GNA12: variants seen among roughly 807,000 people sequenced by gnomAD.
GNA12 encodes guanine nucleotide-binding protein subunit alpha-12.
In GNA12, 9 loss-of-function variants were observed where a neutral mutation model predicts 26.0. The ratio of observed to expected loss-of-function variants is 0.35; its 90% CI spans 0.21 to 0.60. The LOEUF (loss-of-function observed/expected upper bound fraction) is 0.60, where lower values mean the gene tolerates loss of function less well. Among genes scored for constraint, GNA12 ranks in the 20% least tolerant of loss-of-function variants. The pLI, the probability that GNA12 is intolerant of heterozygous loss-of-function variation, is 0.78. For synonymous variants in GNA12, 264 were observed against 219.6 expected (o/e 1.20, Z -1.79); for missense variants, 405 against 525.8 (o/e 0.77, Z 2.25).
At chr7:2,767,501 T>G (rs961172440) in intron 2 of GNA12, among the ~76,000 whole-genome samples, 1 of 152,220 alleles carries the variant, frequency 6.6e-6, no homozygotes, top group Non-Finnish European at 1.5e-5. Context: ...ACCCTTTCGA[T>G]AGCCACCTGG....
intron 1 of GNA12, chr7:2,814,199 A>G (rs547343989): frequency 5.9e-6 from 4 of 672,462 alleles, no homozygotes; most frequent in Admixed American, 2.5e-5. Flanking sequence ...GAAATTCTCC[A>G]TCATAAATCT....
chr7:2,841,058 G>C (rs1175332792), intron 1 of GNA12, among the ~76,000 whole-genome samples: 4 of 152,240 alleles, frequency 2.6e-5, no homozygotes, highest in Non-Finnish European at 5.9e-5. Flanking sequence ...CTGGAAAGAA[G>C]AACTAGGATA....
intron 1 of GNA12, chr7:2,814,441 G>A: frequency 9.5e-7 from 1 of 1,049,914 alleles, no homozygotes. Flanking sequence ...GACAATTAGA[G>A]ACATCAGAAT....
chr7:2,750,363 T>C (rs1250342346), intron 2 of GNA12, among the ~76,000 whole-genome samples: 5 of 152,212 alleles, frequency 3.3e-5, no homozygotes, highest in Admixed American at 6.5e-5. Context: ...CTGCAACTGA[T>C]AGGTTATGCC....
chr7:2,752,296 T>C (rs567166206), intron 2 of GNA12, among the ~76,000 whole-genome samples: 53 of 152,284 alleles, frequency 3.5e-4, no homozygotes, highest in Admixed American at 1.1e-3. Context: ...TTCCTCAGTT[T>C]GATAAAGGGC....
At chr7:2,819,646 G>A (rs975502086) in intron 1 of GNA12, among the ~76,000 whole-genome samples, 1 of 152,112 alleles carries the variant, frequency 6.6e-6, no homozygotes, top group African/African-American at 2.4e-5. Context: ...AAGAAGATAC[G>A]CAAATGGCCC....
At chr7:2,753,342 G>C (rs979574903) in intron 2 of GNA12, among the ~76,000 whole-genome samples, 1 of 152,034 alleles carries the variant, frequency 6.6e-6, no homozygotes, top group African/African-American at 2.4e-5. Flanking sequence ...GTAGAGATGG[G>C]ATCTTGCTAT....
At chr7:2,741,985 TC>T in intron 2 of GNA12, among the ~76,000 whole-genome samples, 1 of 151,976 alleles carries the variant, frequency 6.6e-6, no homozygotes, top group Admixed American at 6.6e-5. Flanking sequence ...TTATCATGCC[TC>T]TTTAGTTTCA....
chr7:2,844,184 C>T lies in GNA12; in HGVS notation c.-23G>A. The T allele has an allele frequency of 1.0e-6, 1 of 979,124 alleles. No individual in the cohort carries two copies. The highest frequency in any genetic ancestry group is 4.5e-5 in the South Asian group (1 of 22,088). The allele number at this position is 979,124 out of a possible 1,614,324, so 60.7% of individuals were successfully genotyped here. On this transcript the variant is annotated 5_prime_UTR_variant, in exon 1 of 4. Transcript: ENST00000275364. Reference sequence around the variant, plus strand: ...CATGGCCCCTCAGGCCGCGGCCGCGCCCCGCCGGCGCCCGGGGGCCATGGA... The same window carrying T: ...CATGGCCCCTCAGGCCGCGGCCGCGTCCCGCCGGCGCCCGGGGGCCATGGA...
At chr7:2,741,242 C>G (rs1326669539) in intron 2 of GNA12, among the ~76,000 whole-genome samples, 1 of 152,148 alleles carries the variant, frequency 6.6e-6, no homozygotes, top group Non-Finnish European at 1.5e-5. Context: ...GTGGTCTCAG[C>G]TACCTGGGAG....
At chr7:2,795,818 T>C (rs1178763217) in intron 1 of GNA12, among the ~76,000 whole-genome samples, 2 of 32,576 alleles carry the variant, frequency 6.1e-5, no homozygotes, top group African/African-American at 1.7e-4. Flanking sequence ...AAAAACAACT[T>C]TTTTTTTTTT....
At chr7:2,738,851 T>C (rs1790347680) in intron 2 of GNA12, among the ~76,000 whole-genome samples, 1 of 152,232 alleles carries the variant, frequency 6.6e-6, no homozygotes, top group Non-Finnish European at 1.5e-5. Context: ...TTTTTTGTTT[T>C]TTGCCAGAAT....
intron 2 of GNA12, among the ~76,000 whole-genome samples, chr7:2,737,289 GTT>G (rs11389467): frequency 4.8e-5 from 3 of 62,314 alleles, no homozygotes; most frequent in African/African-American, 1.7e-4. Flanking sequence ...TTTTTTTTTT[GTT>G]TTTTTTTTTT....
intron 2 of GNA12, among the ~76,000 whole-genome samples, chr7:2,755,340 T>C (rs1209067858): frequency 6.6e-6 from 1 of 152,246 alleles, no homozygotes; most frequent in Non-Finnish European, 1.5e-5. Flanking sequence ...TGTGTATCAA[T>C]CAGGGGAGAA....
At chr7:2,818,317 T>A (rs546969905) in intron 1 of GNA12, among the ~76,000 whole-genome samples, 4 of 152,214 alleles carry the variant, frequency 2.6e-5, no homozygotes, top group South Asian at 2.1e-4. Context: ...TCTCCAACCA[T>A]CAGATGCCGG....
intron 2 of GNA12, among the ~76,000 whole-genome samples, chr7:2,789,358 ATCT>A: frequency 6.8e-6 from 1 of 146,248 alleles, no homozygotes; most frequent in African/African-American, 2.6e-5. Flanking sequence ...GATGGTCTCG[ATCT>A]CCTGACCTCG....
At chr7:2,841,917 A>T (rs1562453930) in intron 1 of GNA12, among the ~76,000 whole-genome samples, 1 of 151,570 alleles carries the variant, frequency 6.6e-6, no homozygotes, top group East Asian at 1.9e-4. Context: ...CTCTGCTTTG[A>T]GATGATTGTC....
intron 2 of GNA12, among the ~76,000 whole-genome samples, chr7:2,755,198 G>C (rs1426319112): frequency 6.6e-6 from 1 of 152,224 alleles, no homozygotes; most frequent in Non-Finnish European, 1.5e-5. Context: ...ATCAGGGAGA[G>C]TGGCCCCTCC....
chr7:2,747,737 GT>G (rs1425028672), intron 2 of GNA12, among the ~76,000 whole-genome samples: 2 of 152,158 alleles, frequency 1.3e-5, no homozygotes, highest in Non-Finnish European at 2.9e-5. Context: ...AATTGTCCCT[GT>G]TTGCAGACGA....
Sources: allele counts gnomAD v4.1 joint callset (sites outside exome capture counted in the v4.1 genomes callset), GRCh38; gene constraint gnomAD v4.1.1; transcripts MANE v1.5; gene names NCBI Gene and HGNC (gene_info 2026-07-23, HGNC 2026-07-21).